NRXN3: variants seen among roughly 807,000 people sequenced by gnomAD.
NRXN3 encodes neurexin 3.
NRXN3 carries 32 observed loss-of-function variants against 137.6 expected under a neutral mutation model. The observed-to-expected ratio is 0.23, with a 90% CI of 0.18 to 0.31. NRXN3 has a LOEUF of 0.31. Among genes scored for constraint, NRXN3 ranks in the 10% least tolerant of loss-of-function variants. The pLI, the probability that NRXN3 is intolerant of heterozygous loss-of-function variation, is 1.00. For missense variants in NRXN3, 1,574 were observed against 2,062.5 expected (o/e 0.76, Z 4.59); for synonymous variants, 798 against 784.5 (o/e 1.02, Z -0.29).
At chr14:79,373,958 G>C (rs1026945463) in intron 15 of NRXN3, among the ~76,000 whole-genome samples, 1 of 151,928 alleles carries the variant, frequency 6.6e-6, no homozygotes, top group Non-Finnish European at 1.5e-5. Flanking sequence ...TCAGAGCTCT[G>C]GTAACAGGAA....
At chr14:79,168,451 T>C (rs974170083) in intron 15 of NRXN3, among the ~76,000 whole-genome samples, 1 of 152,064 alleles carries the variant, frequency 6.6e-6, no homozygotes, top group Non-Finnish European at 1.5e-5. Flanking sequence ...TATGAAAGTG[T>C]CTTACATTCT....
chr14:79,222,366 T>C (rs943509459), intron 15 of NRXN3, among the ~76,000 whole-genome samples: 2 of 152,180 alleles, frequency 1.3e-5, no homozygotes, highest in African/African-American at 4.8e-5. Context: ...TCATTTCTCC[T>C]GACTGCTGAA....
intron 16 of NRXN3, among the ~76,000 whole-genome samples, chr14:79,507,838 A>G (rs1728620102): frequency 6.6e-6 from 1 of 152,158 alleles, no homozygotes; most frequent in South Asian, 2.1e-4. Flanking sequence ...GGAGGCTTGC[A>G]GACAGAAGTA....
chr14:78,311,174 A>G (rs1477118059), intron 4 of NRXN3, among the ~76,000 whole-genome samples: 2 of 152,192 alleles, frequency 1.3e-5, no homozygotes, highest in African/African-American at 4.8e-5. Flanking sequence ...TAAGTAGTTC[A>G]TGAGACTATG....
intron 15 of NRXN3, among the ~76,000 whole-genome samples, chr14:79,438,286 A>G (rs2095875612): frequency 6.6e-6 from 1 of 152,158 alleles, no homozygotes. Flanking sequence ...TCAGCCCAAG[A>G]TATTCTCTAT....
intron 6 of NRXN3, among the ~76,000 whole-genome samples, chr14:78,658,606 T>C (rs1351707534): frequency 6.6e-6 from 1 of 152,204 alleles, no homozygotes; most frequent in Non-Finnish European, 1.5e-5. Context: ...ATTAGAAAAT[T>C]ATACAACTTC....
At chr14:79,793,787 C>T (rs2099152834) in intron 19 of NRXN3, among the ~76,000 whole-genome samples, 1 of 152,142 alleles carries the variant, frequency 6.6e-6, no homozygotes, top group South Asian at 2.1e-4. Flanking sequence ...TACCATTCGT[C>T]CTTATATTGT....
chr14:79,325,631 G>T (rs1368744077), intron 15 of NRXN3, among the ~76,000 whole-genome samples: 1 of 152,204 alleles, frequency 6.6e-6, no homozygotes, highest in African/African-American at 2.4e-5. Context: ...CATGAGGCAG[G>T]TGAAAGCGTG....
chr14:79,174,865 T>C (rs2062149030), intron 15 of NRXN3, among the ~76,000 whole-genome samples: 1 of 151,760 alleles, frequency 6.6e-6, no homozygotes, highest in Non-Finnish European at 1.5e-5. Context: ...TTAATCTGGG[T>C]GGCCAGCGCT....
At chr14:78,385,045 C>A (rs1163180122) in intron 4 of NRXN3, among the ~76,000 whole-genome samples, 2 of 151,922 alleles carry the variant, frequency 1.3e-5, no homozygotes, top group Non-Finnish European at 2.9e-5. Context: ...AATGGTTGTC[C>A]CATATGCAAA....
At chr14:79,131,949 T>C (rs1476929240) in intron 15 of NRXN3, among the ~76,000 whole-genome samples, 4 of 152,212 alleles carry the variant, frequency 2.6e-5, no homozygotes, top group Non-Finnish European at 5.9e-5. Context: ...TTCCAGGTGC[T>C]GTCTGTCACC....
intron 8 of NRXN3, among the ~76,000 whole-genome samples, chr14:78,751,256 G>A (rs1325872294): frequency 1.3e-5 from 2 of 152,166 alleles, no homozygotes; most frequent in African/African-American, 2.4e-5. Context: ...AGGTGGTAAA[G>A]GCAATTCAGC....
chr14:78,837,495 T>G (rs2099000420), intron 10 of NRXN3, among the ~76,000 whole-genome samples: 1 of 151,892 alleles, frequency 6.6e-6, no homozygotes, highest in Non-Finnish European at 1.5e-5. Context: ...TTTGTGGGTT[T>G]TTTTTTTTTC....
At chr14:78,649,506 A>G (rs148004494) in intron 5 of NRXN3, among the ~76,000 whole-genome samples, 1 of 149,734 alleles carries the variant, frequency 6.7e-6, no homozygotes, top group East Asian at 2.0e-4. Flanking sequence ...TATTTGGTTG[A>G]ATTTTGTGGG....
chr14:78,620,399 C>T (rs936205287), intron 4 of NRXN3, among the ~76,000 whole-genome samples: 2 of 152,138 alleles, frequency 1.3e-5, no homozygotes, highest in Non-Finnish European at 2.9e-5. Flanking sequence ...GATTTATTCC[C>T]CCTCCTCCCT....
At chr14:78,563,260 G>T (rs2096804156) in intron 4 of NRXN3, among the ~76,000 whole-genome samples, 1 of 152,182 alleles carries the variant, frequency 6.6e-6, no homozygotes, top group African/African-American at 2.4e-5. Flanking sequence ...AAGGCAAAGG[G>T]CTCTCCAATA....
At chr14:78,456,850 T>TTTC (rs2094738033) in intron 4 of NRXN3, among the ~76,000 whole-genome samples, 1 of 133,918 alleles carries the variant, frequency 7.5e-6, no homozygotes, top group Non-Finnish European at 1.7e-5. Context: ...TCTTTCTTTC[T>TTTC]TTCTTTTTCT....
At chr14:78,456,799 C>CCCTT (rs1555539841) in intron 4 of NRXN3, among the ~76,000 whole-genome samples, 10 of 97,620 alleles carry the variant, frequency 1.0e-4, no homozygotes, top group East Asian at 3.0e-4. Flanking sequence ...CTCTCTTTCT[C>CCCTT]TCTTTCTTTC....
chr14:79,343,395 G>A (rs886926272), intron 15 of NRXN3, among the ~76,000 whole-genome samples: 2 of 152,178 alleles, frequency 1.3e-5, no homozygotes, highest in Non-Finnish European at 2.9e-5. Flanking sequence ...TTGGAGGTTA[G>A]AAGCAAGATG....
Sources: allele counts gnomAD v4.1 joint callset (sites outside exome capture counted in the v4.1 genomes callset), GRCh38; gene constraint gnomAD v4.1.1; transcripts MANE v1.5; gene names NCBI Gene and HGNC (gene_info 2026-07-23, HGNC 2026-07-21).